The following COL4A6 variants were observed in gnomAD, a reference collection of about 807,000 sequenced individuals.
COL4A6 encodes collagen type IV alpha 6 chain, also known as collagen alpha-6(IV) chain.
Under a neutral mutation model 126.7 loss-of-function variants are expected in COL4A6, and 59 were observed. The ratio of observed to expected loss-of-function variants is 0.47; its 90% CI spans 0.38 to 0.58. The LOEUF (loss-of-function observed/expected upper bound fraction) is 0.58. Ranked by LOEUF, COL4A6 falls within the 20% of genes least tolerant of loss-of-function variation. The pLI, the probability that COL4A6 is intolerant of heterozygous loss-of-function variation, is 0.00. For synonymous variants in COL4A6, 547 were observed against 496.6 expected, an observed-to-expected ratio of 1.10 and a Z score of -1.35; for missense variants, 1,285 against 1,337.3, an observed-to-expected ratio of 0.96 and a Z score of 0.61.
chrX:108,310,005 AT>A (rs775462593), intron 3 of COL4A6, among the ~76,000 whole-genome samples: 12 of 109,610 alleles, frequency 1.1e-4, no homozygotes, highest in African/African-American at 3.0e-4. Context: ...TATGTGTCTA[AT>A]TTTTTTTTCA....
intron 8 of COL4A6, among the ~76,000 whole-genome samples, chrX:108,208,758 G>A (rs1240968025): frequency 9.0e-6 from 1 of 111,608 alleles, no homozygotes; most frequent in Non-Finnish European, 1.9e-5. Context: ...AAGGGGCGGA[G>A]AGGGTAAGAA....
chrX:108,438,014 AG>A, intron 1 of COL4A6, 21 bp from the exon 2 acceptor site: 1 of 1,208,882 alleles, frequency 8.3e-7, no homozygotes, highest in Non-Finnish European at 1.1e-6. Flanking sequence ...AGGGAGGGTG[AG>A]TAATGGGCTC....
At chrX:108,255,957 T>C (rs1411527300) in intron 3 of COL4A6, among the ~76,000 whole-genome samples, 2 of 111,038 alleles carry the variant, frequency 1.8e-5, no homozygotes, top group African/African-American at 3.3e-5. Flanking sequence ...ACGTAAAGTA[T>C]ACTAGCCAGG....
intron 2 of COL4A6, among the ~76,000 whole-genome samples, chrX:108,329,006 G>C (rs542986361): frequency 1.3e-4 from 15 of 111,791 alleles, no homozygotes; most frequent in South Asian, 7.6e-4. Flanking sequence ...AAATCTAAAA[G>C]AAGTTGATCT....
chrX:108,351,440 C>CTGTGTGTGTGTGTGTG (rs574111228), intron 2 of COL4A6, among the ~76,000 whole-genome samples: 5 of 97,912 alleles, frequency 5.1e-5, no homozygotes, highest in African/African-American at 1.2e-4. Flanking sequence ...AACTCTCTCT[C>CTGTGTGTGTGTGTGTG]TCTGTGTGTG....
At chrX:108,308,145 T>A (rs1213382885) in intron 3 of COL4A6, among the ~76,000 whole-genome samples, 1 of 111,684 alleles carries the variant, frequency 9.0e-6, no homozygotes, top group African/African-American at 3.3e-5. Context: ...GCCACTCAGA[T>A]GTTTTCAAAA....
At position 108,211,692 on chromosome X, in the gene COL4A6, C is replaced by G. The variant is rs1320471023; in HGVS notation, c.490G>C (p.Gly164Arg). 1.7e-6 allele frequency: 2 copies of G among 1,210,460 alleles called. No homozygotes were observed. The highest frequency in any genetic ancestry group is 2.2e-6 in the Non-Finnish European group (2 of 894,879). Residue 164 changes from glycine (G) to arginine (R), a missense_variant, in exon 7 of 45, where the codon GGT becomes CGT. Transcript: ENST00000334504. Reference sequence around the variant, plus strand: ...CTTACCTTCATTCCTTTGAAACTACCTGGAGCAAGGACAGGGTCACCTTTT... The same window carrying G: ...CTTACCTTCATTCCTTTGAAACTACGTGGAGCAAGGACAGGGTCACCTTTT... Reference protein sequence around the residue: ...GSKGDPVLAPGSFKGMKGDPG... With the variant: ...GSKGDPVLAPRSFKGMKGDPG...
At chrX:108,217,568 C>T (rs2035893758) in intron 5 of COL4A6, among the ~76,000 whole-genome samples, 1 of 111,044 alleles carries the variant, frequency 9.0e-6, no homozygotes, top group East Asian at 2.9e-4. Flanking sequence ...CTGGATGAGA[C>T]TATCACAAAA....
At chrX:108,171,260 TGATA>T (rs2034292102) in intron 33 of COL4A6, 123 bp downstream of exon 33, 2 of 543,834 alleles carry the variant, frequency 3.7e-6, no homozygotes, top group Non-Finnish European at 6.2e-6. Flanking sequence ...CTTGGGGAAT[TGATA>T]GATAGGAAAT....
At chrX:108,204,460 G>T (rs780301305) in intron 11 of COL4A6, 48 bp from the exon 12 acceptor site, 2 of 1,085,889 alleles carry the variant, frequency 1.8e-6, no homozygotes, top group East Asian at 3.0e-5. Flanking sequence ...CACACCGACC[G>T]TTTTTCCAGA....
intron 2 of COL4A6, among the ~76,000 whole-genome samples, chrX:108,421,084 G>A (rs140950899): frequency 2.0e-3 from 225 of 111,828 alleles, no homozygotes; most frequent in African/African-American, 7.0e-3. Context: ...CTGTCTAACC[G>A]GAACTACTAG....
chrX:108,173,955 C>T (rs995823043), intron 31 of COL4A6, among the ~76,000 whole-genome samples: 1 of 112,520 alleles, frequency 8.9e-6, no homozygotes, highest in Non-Finnish European at 1.9e-5. Flanking sequence ...GAAGTTTTTA[C>T]GAATTCTTAC....
At chrX:108,283,834 A>C (rs1474102425) in intron 3 of COL4A6, among the ~76,000 whole-genome samples, 1 of 111,412 alleles carries the variant, frequency 9.0e-6, no homozygotes, top group Non-Finnish European at 1.9e-5. Context: ...TTCCAAGAAA[A>C]AAAGAGGGCT....
chrX:108,169,508 T>C lies in COL4A6; in HGVS notation c.3678A>G (p.Gln1226=), dbSNP rs113626960. Residue 1226 remains glutamine (Q), a synonymous_variant, in exon 37 of 45, where the codon CAA becomes CAG. Transcript: ENST00000334504. ...GAPGKPGLRG[Q]KGDRGFPGLQ... Reference sequence around the variant, plus strand: ...ACTTGGACTCACCTCGATCACCTTTTTGCCCTCTCAGGCCCGGCTTCCCTG... The same window carrying C: ...ACTTGGACTCACCTCGATCACCTTTCTGCCCTCTCAGGCCCGGCTTCCCTG... The C allele has an allele frequency of 2.6e-5, 32 of 1,210,107 alleles. No homozygotes were observed. Among genetic ancestry groups the C allele is most frequent in the African/African-American group, 1.7e-4 (10 of 57,278 alleles).
At chrX:108,403,851 A>G (rs185097349) in intron 2 of COL4A6, among the ~76,000 whole-genome samples, 4 of 111,763 alleles carry the variant, frequency 3.6e-5, no homozygotes, top group Admixed American at 2.9e-4. Flanking sequence ...CTGCTTCATA[A>G]TCTGCTGTAA....
chrX:108,347,028 C>T (rs1265081112), intron 2 of COL4A6, among the ~76,000 whole-genome samples: 2 of 112,012 alleles, frequency 1.8e-5, no homozygotes, highest in Non-Finnish European at 1.9e-5. Flanking sequence ...ATATACTTTA[C>T]AAATTTTTAT....
chrX:108,235,614 A>C (rs1275253823), intron 3 of COL4A6, among the ~76,000 whole-genome samples: 1 of 111,297 alleles, frequency 9.0e-6, no homozygotes, highest in African/African-American at 3.3e-5. Context: ...ATGTGTTCAC[A>C]GCTCACTAAA....
In COL4A6 at chrX:108,328,899, A is replaced by T. The variant is rs761523162; in HGVS notation, c.64-18071T>A. Among the ~76,000 whole-genome samples, 11 of 112,009 alleles carry T rather than the reference A, an allele frequency of 9.8e-5. No homozygotes were observed. The East Asian group carries it at 3.1e-3, about 32-fold the overall frequency. Reference sequence around the variant, plus strand: ...TGCTACTCAGCCATAAAAAGAACAAAATCTTCTCATTTGCAACAACATGGA... The same window carrying T: ...TGCTACTCAGCCATAAAAAGAACAATATCTTCTCATTTGCAACAACATGGA... On this transcript the variant is annotated intron_variant, in intron 2 of 44. Coordinates refer to ENST00000334504, the MANE Select transcript of COL4A6 (RefSeq NM_033641.4).
At chrX:108,198,375 A>G in intron 13 of COL4A6, among the ~76,000 whole-genome samples, 1 of 111,407 alleles carries the variant, frequency 9.0e-6, no homozygotes, top group Non-Finnish European at 1.9e-5. Context: ...AGAAAGCAGA[A>G]GAGTCTTGCT....
Sources: allele counts gnomAD v4.1 joint callset (sites outside exome capture counted in the v4.1 genomes callset), GRCh38; gene constraint gnomAD v4.1.1; transcripts MANE v1.5; gene names NCBI Gene and HGNC (gene_info 2026-07-23, HGNC 2026-07-21).